KDM4D: variants seen among roughly 807,000 people sequenced by gnomAD.
KDM4D encodes lysine demethylase 4D, also known as lysine-specific demethylase 4D.
For missense variants in KDM4D, 427 were observed against 674.8 expected (o/e 0.63, Z 4.07); for synonymous variants, 254 against 249.1 (o/e 1.02, Z -0.19).
intron 2 of KDM4D, among the ~76,000 whole-genome samples, chr11:94,979,029 A>G (rs1857821694): frequency 6.6e-6 from 1 of 152,246 alleles, no homozygotes; most frequent in Non-Finnish European, 1.5e-5. Context: ...TTGATCTACT[A>G]TATAAGTTAT....
intron 2 of KDM4D, among the ~76,000 whole-genome samples, chr11:94,988,315 A>G (rs1857905336): frequency 6.6e-6 from 1 of 152,198 alleles, no homozygotes; most frequent in East Asian, 1.9e-4. Flanking sequence ...ATACTTTGGG[A>G]GAGAGTTGTG....
intron 2 of KDM4D, among the ~76,000 whole-genome samples, chr11:94,989,752 C>CTTT (rs587676047): frequency 0.088 from 10,758 of 122,754 alleles, 728 homozygotes; most frequent in Middle Eastern, 0.12. Context: ...CTCTCTCTTT[C>CTTT]TTTTTTTTTT....
chr11:94,995,579 T>C (rs1555099128), intron 2 of KDM4D, among the ~76,000 whole-genome samples: 1 of 152,128 alleles, frequency 6.6e-6, no homozygotes, highest in Admixed American at 6.5e-5. Flanking sequence ...CAGTTTGAAG[T>C]TGAATAATAG....
Position 94,998,751 on chromosome 11 carries a change from T to C in KDM4D, c.1379T>C (p.Leu460Pro). 6.2e-7 allele frequency: 1 copy of C among 1,613,496 alleles called. No individual in the cohort carries two copies. Among genetic ancestry groups the C allele is most frequent in the Non-Finnish European group, 8.5e-7 (1 of 1,179,544 alleles). ...GGTCGTGGTCGCCCTCCTCAGAAAC[T>C]GAGAGCTCAGGAGCTGACCCTCCAG... ...RRGRGRPPQK[L>P]RAQELTLQTP... The change falls in exon 3 of 3, where the codon CTG (leucine) becomes CCG (proline). Residue 460 changes from leucine (L) to proline (P), a missense_variant. Transcript: ENST00000335080. The surrounding 1 kb of genome is among the most constrained non-coding windows in gnomAD (Gnocchi z 6.7).
intron 2 of KDM4D, among the ~76,000 whole-genome samples, chr11:94,994,809 C>T (rs1857963497): frequency 1.3e-5 from 2 of 151,182 alleles, no homozygotes; most frequent in Admixed American, 1.3e-4. Context: ...AGAGAGGAGC[C>T]TGAGAGGAGG....
intron 2 of KDM4D, among the ~76,000 whole-genome samples, chr11:94,989,568 TG>T (rs1857915774): frequency 6.6e-6 from 1 of 152,206 alleles, no homozygotes; most frequent in South Asian, 2.1e-4. Context: ...TCCCAAACTT[TG>T]GGTTTTATGT....
Position 94,973,914 on chromosome 11 carries a change from A to T in KDM4D, c.-599A>T, listed in dbSNP as rs1278750351. On this transcript the variant is annotated 5_prime_UTR_variant, in exon 1 of 3. Coordinates refer to ENST00000335080, the MANE Select transcript of KDM4D (RefSeq NM_018039.3). ...AGAGAGCGTGGAAAAGGATTACACC[A>T]AACTGTTTAAATCCAACGACTCCTG... The T allele has an allele frequency of 6.6e-6, 1 of 152,284 alleles. No individual in the cohort carries two copies. Among genetic ancestry groups the T allele is most frequent in the Non-Finnish European group, 1.5e-5 (1 of 68,066 alleles). 9.4% of individuals were successfully genotyped at this position (152,284 alleles called of 1,614,324 possible).
intron 2 of KDM4D, among the ~76,000 whole-genome samples, chr11:94,976,570 T>C (rs182198105): frequency 7.2e-5 from 11 of 152,346 alleles, no homozygotes; most frequent in African/African-American, 2.4e-4. Context: ...ATATTTTCTC[T>C]TTCTTATGAT....
intron 2 of KDM4D, among the ~76,000 whole-genome samples, chr11:94,981,851 T>C (rs1555097594): frequency 1.3e-5 from 2 of 151,532 alleles, no homozygotes; most frequent in African/African-American, 4.8e-5. Context: ...GGTCTCTTAT[T>C]ATTTCTCTTC....
At position 94,999,013 on chromosome 11, in the gene KDM4D, A is replaced by C. The variant is rs587766650; in HGVS notation, c.*69A>C. On this transcript the variant is annotated 3_prime_UTR_variant, in exon 3 of 3. Transcript: ENST00000335080. Reference sequence around the variant, plus strand: ...GTTTGATGAAACTGGTTACATTTACATCCCAAAACTTTGGTTGAGTTTGCA... The same window carrying C: ...GTTTGATGAAACTGGTTACATTTACCTCCCAAAACTTTGGTTGAGTTTGCA... 16 of 1,421,218 alleles carry C rather than the reference A, an allele frequency of 1.1e-5. No homozygotes were observed. The East Asian group carries it at 3.1e-4, about 28-fold the overall frequency. The allele number at this position is 1,421,218 out of a possible 1,614,324, so 88.0% of individuals were successfully genotyped here. A position where few individuals can be genotyped will look rare whatever the true frequency, so the allele number is the denominator to read the frequency against.
intron 2 of KDM4D, among the ~76,000 whole-genome samples, chr11:94,989,752 CTTTTTTT>C (rs587676047): frequency 4.1e-5 from 5 of 122,844 alleles, no homozygotes; most frequent in Non-Finnish European, 8.2e-5. Context: ...CTCTCTCTTT[CTTTTTTT>C]TTTTTTTTTT....
At chr11:94,981,353 G>A (rs1372618552) in intron 2 of KDM4D, among the ~76,000 whole-genome samples, 17 of 151,804 alleles carry the variant, frequency 1.1e-4, no homozygotes, top group Non-Finnish European at 2.4e-4. Flanking sequence ...TTGGGGATTC[G>A]TACCATAAAA....
chr11:94,998,218 C>G lies in KDM4D; in HGVS notation c.846C>G (p.Gly282=). 2 of 1,614,224 alleles carry G rather than the reference C, an allele frequency of 1.2e-6. No individual in the cohort carries two copies. Among genetic ancestry groups the G allele is most frequent in the Non-Finnish European group, 1.7e-6 (2 of 1,180,032 alleles). The change falls in exon 3 of 3, where the codon GGC becomes GGG. Residue 282 remains glycine (G), a synonymous_variant. Transcript: ENST00000335080. The surrounding 1 kb of genome is among the most constrained non-coding windows in gnomAD (Gnocchi z 6.7). The part of the protein sequence containing the change: ...MVTFPYGYHA[G]FNHGFNCAEA... ...CCTTTCCCTATGGCTACCATGCTGGCTTCAACCATGGTTTCAACTGCGCAG... is the reference window on the plus strand; with the variant it reads ...CCTTTCCCTATGGCTACCATGCTGGGTTCAACCATGGTTTCAACTGCGCAG...
chr11:94,990,894 A>C (rs1438720325), intron 2 of KDM4D, among the ~76,000 whole-genome samples: 1 of 152,246 alleles, frequency 6.6e-6, no homozygotes, highest in Non-Finnish European at 1.5e-5. Flanking sequence ...CCCTCCTCTA[A>C]GCAGCTGGAT....
intron 1 of KDM4D, among the ~76,000 whole-genome samples, chr11:94,974,910 T>G (rs1857783675): frequency 6.6e-6 from 1 of 152,190 alleles, no homozygotes; most frequent in East Asian, 1.9e-4. Flanking sequence ...AGAGTGATCT[T>G]TTAAAATTAA....
At chr11:94,993,176 G>A (rs907957706) in intron 2 of KDM4D, among the ~76,000 whole-genome samples, 6 of 152,094 alleles carry the variant, frequency 3.9e-5, no homozygotes, top group South Asian at 2.1e-4. Flanking sequence ...TAAAAGACCC[G>A]AAGAAAGACT....
At chr11:94,981,497 T>C (rs1362265489) in intron 2 of KDM4D, among the ~76,000 whole-genome samples, 1 of 152,066 alleles carries the variant, frequency 6.6e-6, no homozygotes, top group Non-Finnish European at 1.5e-5. Context: ...GGGAAGAGTT[T>C]TACCTACTGC....
chr11:94,998,402 G>C lies in KDM4D; in HGVS notation c.1030G>C (p.Val344Leu). The C allele has an allele frequency of 6.2e-7, 1 of 1,614,090 alleles. No individual in the cohort carries two copies. The highest frequency in any genetic ancestry group is 8.5e-7 in the Non-Finnish European group (1 of 1,180,050). The change falls in exon 3 of 3, where the codon GTT (valine) becomes CTT (leucine). Residue 344 changes from valine (V) to leucine (L), a missense_variant. Transcript: ENST00000335080. The surrounding 1 kb of genome is among the most constrained non-coding windows in gnomAD (Gnocchi z 6.7). The stretch of plus-strand genomic sequence containing the variant: ...GTGGAAACGTGGGCAAGACCGGGCA[G>C]TTGTGGACCACATGGAGCCCAGGGT... ...DLWKRGQDRA[V>L]VDHMEPRVPA...
At chr11:94,989,792 C>T (rs2134113639) in intron 2 of KDM4D, among the ~76,000 whole-genome samples, 1 of 126,136 alleles carries the variant, frequency 7.9e-6, no homozygotes, top group East Asian at 2.3e-4. Flanking sequence ...ACTCTTCTTG[C>T]CCAGGCTGGA....
Sources: allele counts gnomAD v4.1 joint callset (sites outside exome capture counted in the v4.1 genomes callset), GRCh38; gene constraint gnomAD v4.1.1; non-coding constraint Gnocchi (gnomAD v3.1); transcripts MANE v1.5; gene names NCBI Gene and HGNC (gene_info 2026-07-23, HGNC 2026-07-21).